The following BMPER variants were observed in gnomAD, a reference collection of about 807,000 sequenced individuals.
BMPER encodes BMP-binding endothelial regulator protein.
A neutral mutation model predicts 87.3 loss-of-function variants in BMPER; 45 were observed. The ratio of observed to expected loss-of-function variants is 0.52; its 90% CI spans 0.41 to 0.66. BMPER has a LOEUF of 0.66. Ranked by LOEUF, BMPER falls within the 30% of genes least tolerant of loss-of-function variation. The probability of loss-of-function intolerance (pLI) is 0.00; values close to 1 mark genes in which losing one functional copy is unlikely to be tolerated. For missense variants in BMPER, 784 were observed against 867.5 expected, an observed-to-expected ratio of 0.90 and a Z score of 1.21; for synonymous variants, 326 against 316.2, an observed-to-expected ratio of 1.03 and a Z score of -0.33.
In BMPER at chr7:34,028,601, G is replaced by GTTTTTTTTTT; in HGVS notation, c.577-17682_577-17673dup. On this transcript the variant is annotated intron_variant, in intron 6 of 14. Transcript: ENST00000649409. ...ACATACAGTCCAAATCATTTTTTCT[G>GTTTTTTTTTT]TTTTTTTTTTTTTTTTTTTTTTTTT... Among the ~76,000 whole-genome samples the GTTTTTTTTTT allele has an allele frequency of 2.7e-3, 99 of 36,062 alleles. 22 individuals carry two copies. The highest frequency in any genetic ancestry group is 3.5e-3 in the African/African-American group (40 of 11,390). The allele number at this position is 36,062 out of a possible 152,430, so 23.7% of individuals were successfully genotyped here. A position where few individuals can be genotyped will look rare whatever the true frequency, so the allele number is the denominator to read the frequency against.
chr7:33,971,638 G>T (rs1294124575), intron 5 of BMPER, among the ~76,000 whole-genome samples: 1 of 152,056 alleles, frequency 6.6e-6, no homozygotes, highest in African/African-American at 2.4e-5. Flanking sequence ...TTTATTCAAT[G>T]AGATCAGTAG....
chr7:33,917,016 A>AGACCTTCAAGGT (rs1784102185), intron 2 of BMPER, among the ~76,000 whole-genome samples: 2 of 152,238 alleles, frequency 1.3e-5, no homozygotes, highest in Non-Finnish European at 1.5e-5. Context: ...TTGAAAATAT[A>AGACCTTCAAGGT]AGATCATATT....
chr7:33,994,202 G>T (rs1786325895), intron 6 of BMPER, among the ~76,000 whole-genome samples: 1 of 152,214 alleles, frequency 6.6e-6, no homozygotes. Context: ...GGCAATGGTG[G>T]GCGCCCCTCC....
chr7:34,007,922 G>GTCTC (rs1562685959), intron 6 of BMPER, among the ~76,000 whole-genome samples: 3 of 151,772 alleles, frequency 2.0e-5, no homozygotes, highest in African/African-American at 7.3e-5. Context: ...CCTCCATTGA[G>GTCTC]AGTGTATCAG....
At chr7:33,957,287 CAATT>C (rs1245475557) in intron 3 of BMPER, among the ~76,000 whole-genome samples, 2 of 151,076 alleles carry the variant, frequency 1.3e-5, no homozygotes, top group African/African-American at 4.9e-5. Context: ...AAGGAACAAA[CAATT>C]GATACATGCA....
At chr7:34,135,377 G>A (rs1583470674) in intron 13 of BMPER, among the ~76,000 whole-genome samples, 2 of 152,248 alleles carry the variant, frequency 1.3e-5, no homozygotes, top group Non-Finnish European at 2.9e-5. Flanking sequence ...CTTATGAGCA[G>A]GGACACATTG....
intron 2 of BMPER, among the ~76,000 whole-genome samples, chr7:33,922,609 C>G (rs963262492): frequency 1.3e-5 from 2 of 152,254 alleles, no homozygotes; most frequent in East Asian, 3.9e-4. Context: ...CTGGCCCAAC[C>G]AGAAAGAGAA....
intron 6 of BMPER, among the ~76,000 whole-genome samples, chr7:34,044,242 C>T (rs1787903019): frequency 6.6e-6 from 1 of 152,214 alleles, no homozygotes. Context: ...CTTCAGTACA[C>T]ATAATCTTTT....
intron 3 of BMPER, among the ~76,000 whole-genome samples, chr7:33,965,841 G>A (rs1785392025): frequency 7.1e-6 from 1 of 140,596 alleles, no homozygotes; most frequent in Non-Finnish European, 1.5e-5. Context: ...TTCTGTTTTT[G>A]CCAATGAATA....
chr7:33,967,646 T>TGAA (rs1785437476), intron 4 of BMPER, among the ~76,000 whole-genome samples: 1 of 152,192 alleles, frequency 6.6e-6, no homozygotes, highest in South Asian at 2.1e-4. Context: ...TGTTGCAGGT[T>TGAA]CAATCAGTGT....
At chr7:33,911,991 G>A (rs1361854798) in intron 2 of BMPER, among the ~76,000 whole-genome samples, 1 of 152,160 alleles carries the variant, frequency 6.6e-6, no homozygotes, top group Non-Finnish European at 1.5e-5. Flanking sequence ...TGTCAGAAAT[G>A]TTTAGTGAGT....
chr7:34,019,793 A>G (rs1431623969), intron 6 of BMPER, among the ~76,000 whole-genome samples: 2 of 152,008 alleles, frequency 1.3e-5, no homozygotes, highest in African/African-American at 4.8e-5. Flanking sequence ...ACAGAGTAGC[A>G]TATAAAGGAC....
chr7:33,932,674 C>T (rs923774897), intron 2 of BMPER, among the ~76,000 whole-genome samples: 1 of 152,166 alleles, frequency 6.6e-6, no homozygotes, highest in African/African-American at 2.4e-5. Context: ...ATTTCTCCCT[C>T]CACTACCCTC....
In BMPER at chr7:34,116,112, A is replaced by T. The variant is rs141711199; in HGVS notation, c.1746-27118A>T. Among the ~76,000 whole-genome samples, 525 of 152,348 alleles carry T rather than the reference A, an allele frequency of 3.4e-3. 3 individuals are homozygous for T. The highest frequency in any genetic ancestry group is 6.8e-3 in the Middle Eastern group (2 of 294). On this transcript the variant is annotated intron_variant, in intron 13 of 14. Coordinates refer to ENST00000649409, the MANE Select transcript of BMPER (RefSeq NM_001365308.1). ...GGCATTGGTTCTCACATTTAAACAT[A>T]ATAAATAACTCATTCCCTTTTAAGT...
chr7:34,081,681 G>C (rs1198817081), intron 12 of BMPER, among the ~76,000 whole-genome samples: 2 of 152,184 alleles, frequency 1.3e-5, no homozygotes, highest in Non-Finnish European at 2.9e-5. Context: ...TTACCTGAAA[G>C]AATTACATCA....
intron 2 of BMPER, among the ~76,000 whole-genome samples, chr7:33,920,894 T>C (rs771273074): frequency 6.6e-6 from 1 of 152,234 alleles, no homozygotes; most frequent in Non-Finnish European, 1.5e-5. Context: ...ATTCTGTTAT[T>C]GGTGTAAAAC....
intron 13 of BMPER, among the ~76,000 whole-genome samples, chr7:34,119,595 AT>A (rs1184369281): frequency 1.3e-5 from 2 of 152,190 alleles, no homozygotes; most frequent in Non-Finnish European, 2.9e-5. Flanking sequence ...CAGTAATGAG[AT>A]TACTGGACCA....
At chr7:33,959,724 A>G (rs1279853906) in intron 3 of BMPER, among the ~76,000 whole-genome samples, 2 of 152,192 alleles carry the variant, frequency 1.3e-5, no homozygotes, top group East Asian at 1.9e-4. Context: ...TATTTTATTG[A>G]CTAGAATCCC....
Position 34,143,292 on chromosome 7 carries a change from T to G in BMPER, c.1808T>G (p.Leu603Trp), listed in dbSNP as rs1166846315. Residue 603 changes from leucine to tryptophan, a missense_variant, in exon 14 of 15, where the codon TTG becomes TGG. Transcript: ENST00000649409. The part of the protein sequence containing the change: ...VHKNCYCESF[L>W]AYTRACQREG... ...AAAAACTGTTATTGCGAGTCATTTT[T>G]GGCATATACCCGGGCCTGCCAGAGA... The G allele has an allele frequency of 2.5e-6, 4 of 1,614,030 alleles. No homozygotes were observed. The highest frequency in any genetic ancestry group is 3.4e-6 in the Non-Finnish European group (4 of 1,179,992).
Sources: gnomAD v4.1 joint callset for allele counts (sites outside exome capture counted in the v4.1 genomes callset) on GRCh38, gnomAD v4.1.1 for gene constraint, MANE v1.5 for transcripts, NCBI Gene and HGNC (gene_info 2026-07-23, HGNC 2026-07-21) for gene names.